The following CASP1 variants were observed in gnomAD, a reference collection of about 807,000 sequenced individuals.
The protein encoded by CASP1 is caspase 1.
A neutral mutation model predicts 41.2 loss-of-function variants in CASP1; 31 were observed. That is an observed-to-expected ratio of 0.75 (90% confidence interval 0.57 to 1.02). The LOEUF (loss-of-function observed/expected upper bound fraction) is 1.02. CASP1 is among the 50% of genes least tolerant of loss of function. The pLI is 0.00. For missense variants in CASP1, 490 were observed against 495.7 expected, an observed-to-expected ratio of 0.99 and a Z score of 0.11; for synonymous variants, 163 against 166.5, an observed-to-expected ratio of 0.98 and a Z score of 0.16.
intron 7 of CASP1, among the ~76,000 whole-genome samples, chr11:105,027,753 A>T (rs1011498218): frequency 2.0e-5 from 3 of 152,136 alleles, no homozygotes; most frequent in African/African-American, 7.2e-5. Context: ...AGTAAAAGGA[A>T]GTAAGTGAAA....
chr11:105,026,513 G>A, intron 8 of CASP1, 157 bp from the exon 9 acceptor site: 1 of 610,272 alleles, frequency 1.6e-6, no homozygotes, highest in Non-Finnish European at 2.9e-6. Context: ...ATATATGTAT[G>A]TAAGCATTGA....
chr11:105,028,839 C>A (rs1477089442), intron 7 of CASP1, among the ~76,000 whole-genome samples: 3 of 152,136 alleles, frequency 2.0e-5, no homozygotes, highest in Non-Finnish European at 4.4e-5. Context: ...GCAGAATTTT[C>A]TATGCAGAGT....
chr11:105,026,155 A>C lies in CASP1; in HGVS notation c.*103T>G. The C allele has an allele frequency of 1.4e-6, 1 of 695,172 alleles. No individual in the cohort carries two copies. Among genetic ancestry groups the C allele is most frequent in the Non-Finnish European group, 2.5e-6 (1 of 405,904 alleles). The allele number at this position is 695,172 out of a possible 1,614,324, so 43.1% of individuals were successfully genotyped here. A position where few individuals can be genotyped will look rare whatever the true frequency, so the allele number is the denominator to read the frequency against. On this transcript the variant is annotated 3_prime_UTR_variant, in exon 9 of 9. Coordinates refer to ENST00000533400, the MANE Select transcript of CASP1 (RefSeq NM_001257118.3). ...AAGGATTCTCAGCCTGTAAACCTAG[A>C]GTTCTTGACTCAAATGGACTTTCAG... is the stretch of plus-strand genomic sequence containing the variant.
intron 3 of CASP1, among the ~76,000 whole-genome samples, chr11:105,032,489 A>T (rs492366): frequency 0.15 from 23,221 of 152,170 alleles, 2,039 homozygotes; most frequent in Admixed American, 0.25. Flanking sequence ...TAGCCTCTAC[A>T]TTGCTTTCAG....
At chr11:105,030,874 G>GA (rs1863649062) in intron 4 of CASP1, 1 of 356,846 alleles carries the variant, frequency 2.8e-6, no homozygotes, top group Admixed American at 4.4e-5. Context: ...TGTGTTTAAG[G>GA]TTAAAAATTA....
intron 1 of CASP1, chr11:105,034,734 A>G (rs981565208): frequency 6.3e-6 from 4 of 636,696 alleles, no homozygotes; most frequent in African/African-American, 3.7e-5. Flanking sequence ...CTTATGTCGC[A>G]TGTTTATTTA....
chr11:105,029,255 A>G lies in CASP1; in HGVS notation c.875T>C (p.Val292Ala), dbSNP rs1317019775. 1.2e-6 allele frequency: 2 copies of G among 1,610,240 alleles called. No homozygotes were observed. Among genetic ancestry groups the G allele is most frequent in the African/African-American group, 1.3e-5 (1 of 74,678 alleles). ...IQACRGDSPG[V>A]VWFKDSVGVS... ...TCCTACTGAATCTTTAAACCACACC[A>G]CACCAGGGCTGTCTGGAAAGACACA... is the stretch of plus-strand genomic sequence containing the variant. Residue 292 changes from valine to alanine, a missense_variant, in exon 7 of 9, where the codon GTG becomes GCG. By Grantham distance (64) the Val-to-Ala change is moderately conservative. Transcript: ENST00000533400.
intron 7 of CASP1, among the ~76,000 whole-genome samples, chr11:105,028,585 G>C (rs114733038): frequency 0.012 from 1,835 of 152,156 alleles, 43 homozygotes; most frequent in African/African-American, 0.042. Context: ...TAGTGGAACT[G>C]TTTTACAAAA....
chr11:105,033,241 G>A lies in CASP1; in HGVS notation c.275-115C>T. ...CTCCCATAACACTGACTGACTGACT[G>A]ACATTAAATAATGTTAAAGATGTTC... On this transcript the variant is annotated intron_variant, in intron 2 of 8. Coordinates refer to ENST00000533400, the MANE Select transcript of CASP1 (RefSeq NM_001257118.3). 6 of 606,458 alleles carry A rather than the reference G, an allele frequency of 9.9e-6. No individual in the cohort carries two copies. In the South Asian group the frequency reaches 1.2e-4, roughly 12 times the overall value. The allele number at this position is 606,458 out of a possible 1,614,324, so 37.6% of individuals were successfully genotyped here. A position where few individuals can be genotyped will look rare whatever the true frequency, so the allele number is the denominator to read the frequency against.
At chr11:105,031,955 A>G (rs1591201906) in intron 3 of CASP1, among the ~76,000 whole-genome samples, 1 of 152,258 alleles carries the variant, frequency 6.6e-6, no homozygotes, top group South Asian at 2.1e-4. Flanking sequence ...GTTTTCACAG[A>G]GTTTATGTGA....
chr11:105,034,341 A>G lies in CASP1; in HGVS notation c.141T>C (p.Asn47=), dbSNP rs774751020. Residue 47 remains asparagine, a synonymous_variant, in exon 2 of 9, where the codon AAT becomes AAC. Coordinates refer to ENST00000533400, the MANE Select transcript of CASP1 (RefSeq NM_001257118.3). Reference sequence around the variant, plus strand: ...CTCGGGTCTTATCCATAACTGTAGCATTTTCACGTTTTACTTTCTCCATCT... The same window carrying G: ...CTCGGGTCTTATCCATAACTGTAGCGTTTTCACGTTTTACTTTCTCCATCT... The part of the protein sequence containing the change: ...KEEMEKVKRE[N]ATVMDKTRAL... 10 of 1,613,928 alleles carry G rather than the reference A, an allele frequency of 6.2e-6. No individual in the cohort carries two copies. The highest frequency in any genetic ancestry group is 7.6e-6 in the Non-Finnish European group (9 of 1,179,984).
chr11:105,031,450 C>T (rs1257091632), intron 3 of CASP1, among the ~76,000 whole-genome samples, 170 bp from the exon 4 acceptor site: 1 of 152,178 alleles, frequency 6.6e-6, no homozygotes, highest in African/African-American at 2.4e-5. Flanking sequence ...TAATGGAGCA[C>T]ATTTCAAGCA....
At chr11:105,029,411 C>T (rs998031021) in intron 6 of CASP1, 144 bp from the exon 7 acceptor site, 2 of 739,998 alleles carry the variant, frequency 2.7e-6, no homozygotes, top group Admixed American at 3.0e-5. Flanking sequence ...CAGTTACAAT[C>T]TTTTCAACAA....
Position 105,031,170 on chromosome 11 carries a change from C to T in CASP1, c.448G>A (p.Ala150Thr). 1 of 1,599,696 alleles carries T rather than the reference C, an allele frequency of 6.3e-7. No individual in the cohort carries two copies. The highest frequency in any genetic ancestry group is 8.6e-7 in the Non-Finnish European group (1 of 1,167,300). The change falls in exon 4 of 9, where the codon GCA (alanine) becomes ACA (threonine). Residue 150 changes from alanine to threonine, a missense_variant. Coordinates refer to ENST00000533400, the MANE Select transcript of CASP1 (RefSeq NM_001257118.3). ...TTGGGTTCTGAGCATGGCACCTCTG[C>T]CGACTTTTGTTTCCATATCCTTTGA... ...EAQRIWKQKS[A>T]EIYPIMDKSS... is the part of the protein sequence containing the mutation.
Position 105,031,240 on chromosome 11 carries a change from G to A in CASP1, c.378C>T (p.Ser126=). Reference sequence around the variant, plus strand: ...GCTTGACATTCCCTTCTGAGCCTGAGGATGTGGGCATAGCTGGGTTGTCCT... The same window carrying A: ...GCTTGACATTCCCTTCTGAGCCTGAAGATGTGGGCATAGCTGGGTTGTCCT... The part of the protein sequence containing the change: ...AVQDNPAMPT[S]SGSEGNVKLC... The change falls in exon 4 of 9, where the codon TCC becomes TCT. Residue 126 remains serine, a synonymous_variant. Transcript: ENST00000533400. The A allele has an allele frequency of 6.2e-7, 1 of 1,612,748 alleles. No individual in the cohort carries two copies. The highest frequency in any genetic ancestry group is 8.5e-7 in the Non-Finnish European group (1 of 1,179,058).
chr11:105,031,341 T>C, intron 3 of CASP1, 61 bp from the exon 4 acceptor site: 2 of 942,750 alleles, frequency 2.1e-6, no homozygotes, highest in Non-Finnish European at 3.4e-6. Flanking sequence ...TTTGTGTTTG[T>C]TACAGCCTCA....
intron 2 of CASP1, chr11:105,033,893 A>G (rs911577303): frequency 1.5e-6 from 1 of 660,986 alleles, no homozygotes; most frequent in African/African-American, 1.8e-5. Flanking sequence ...ATCCACAGGT[A>G]AATATTTTGC....
At chr11:105,026,634 C>T (rs1442228447) in intron 8 of CASP1, 3 of 600,960 alleles carry the variant, frequency 5.0e-6, no homozygotes, top group Admixed American at 5.9e-5. Flanking sequence ...CGGGGTGAAA[C>T]TAAATGATTG....
Position 105,034,627 on chromosome 11 carries a change from C to T in CASP1, c.8-153G>A, listed in dbSNP as rs878882309. 32 of 1,307,120 alleles carry T rather than the reference C, an allele frequency of 2.4e-5. 1 individual carries two copies. The South Asian group carries it at 4.0e-4, about 16-fold the overall frequency. 81.0% of individuals were successfully genotyped at this position (1,307,120 alleles called of 1,614,324 possible). Reference sequence around the variant, plus strand: ...CTCTTCTTACTGTATTGCTGTCCTACTTGTTTCCCTCAATAGTCTCCATAC... The same window carrying T: ...CTCTTCTTACTGTATTGCTGTCCTATTTGTTTCCCTCAATAGTCTCCATAC... On this transcript the variant is annotated intron_variant, in intron 1 of 8. Transcript: ENST00000533400.
Sources: gnomAD v4.1 joint callset for allele counts (sites outside exome capture counted in the v4.1 genomes callset) on GRCh38, gnomAD v4.1.1 for gene constraint, MANE v1.5 for transcripts, NCBI Gene and HGNC (gene_info 2026-07-23, HGNC 2026-07-21) for gene names.